Variants in DSCAML1 observed in about 807,000 individuals in gnomAD.
The protein encoded by DSCAML1 is cell adhesion molecule DSCAML1.
DSCAML1 carries 38 observed loss-of-function variants against 200.5 expected under a neutral mutation model. The observed-to-expected ratio is 0.19, with a 90% confidence interval of 0.15 to 0.25. DSCAML1 has a LOEUF of 0.25. DSCAML1 is among the 10% of genes least tolerant of loss of function. The pLI is 1.00. For synonymous variants in DSCAML1, 1,215 were observed against 1,165.0 expected (o/e 1.04, Z -0.87); for missense variants, 2,223 against 2,858.8 (o/e 0.78, Z 5.07).
intron 1 of DSCAML1, among the ~76,000 whole-genome samples, chr11:117,790,089 G>A (rs931497311): frequency 2.0e-5 from 3 of 152,142 alleles, no homozygotes; most frequent in Non-Finnish European, 4.4e-5. Flanking sequence ...CCACGACTGC[G>A]GGAGGGTCAC....
chr11:117,576,687 A>G (rs1285567389), intron 3 of DSCAML1, among the ~76,000 whole-genome samples: 3 of 152,086 alleles, frequency 2.0e-5, no homozygotes, highest in African/African-American at 7.2e-5. Context: ...GACTGTTTCC[A>G]CAAGGGACTC....
intron 1 of DSCAML1, among the ~76,000 whole-genome samples, chr11:117,783,619 T>C (rs917825849): frequency 2.0e-5 from 3 of 152,130 alleles, no homozygotes; most frequent in African/African-American, 7.2e-5. Context: ...TCCATTTTAC[T>C]GATAAGGAAA....
chr11:117,564,315 T>G (rs2137421908), intron 3 of DSCAML1, among the ~76,000 whole-genome samples: 1 of 152,330 alleles, frequency 6.6e-6, no homozygotes, highest in African/African-American at 2.4e-5. Flanking sequence ...TTTCTCTACC[T>G]TGTGCAGAGA....
chr11:117,752,019 C>A (rs535159961), intron 3 of DSCAML1, among the ~76,000 whole-genome samples: 4 of 150,896 alleles, frequency 2.7e-5, no homozygotes, highest in African/African-American at 9.9e-5. Context: ...TTAACACCAC[C>A]AATTCACAAA....
At chr11:117,812,724 G>A (rs913944983) in intron 1 of DSCAML1, among the ~76,000 whole-genome samples, 28 of 147,560 alleles carry the variant, frequency 1.9e-4, no homozygotes, top group Non-Finnish European at 3.8e-4. Flanking sequence ...AAAAACACAC[G>A]TGCTCTTCCT....
At chr11:117,626,980 C>T (rs2052058934) in intron 3 of DSCAML1, among the ~76,000 whole-genome samples, 1 of 152,188 alleles carries the variant, frequency 6.6e-6, no homozygotes, top group Non-Finnish European at 1.5e-5. Flanking sequence ...GTTCTCCAGG[C>T]AGTGGTGCCT....
At chr11:117,439,139 T>C in intron 23 of DSCAML1, 127 bp downstream of exon 23, 1 of 1,397,688 alleles carries the variant, frequency 7.2e-7, no homozygotes, top group Non-Finnish European at 9.8e-7. Flanking sequence ...TGCACCTCTG[T>C]TTCTCCAGAG....
chr11:117,734,177 CTCTTT>C (rs2054277748), intron 3 of DSCAML1, among the ~76,000 whole-genome samples: 1 of 152,238 alleles, frequency 6.6e-6, no homozygotes, highest in Non-Finnish European at 1.5e-5. Context: ...TTGGTCACTC[CTCTTT>C]TCTCACCTCT....
intron 3 of DSCAML1, among the ~76,000 whole-genome samples, chr11:117,697,989 C>G (rs12295881): frequency 0.013 from 2,002 of 152,224 alleles, 60 homozygotes; most frequent in African/African-American, 0.045. Context: ...CCAGGATGGT[C>G]TCGATCTCTT....
intron 3 of DSCAML1, among the ~76,000 whole-genome samples, chr11:117,749,209 G>A (rs1453867863): frequency 2.6e-5 from 4 of 152,314 alleles, no homozygotes; most frequent in East Asian, 1.9e-4. Flanking sequence ...GGCTTGAGCC[G>A]GGACGAGGGT....
Position 117,428,551 on chromosome 11 carries a change from G to A in DSCAML1, c.5939C>T (p.Pro1980Leu), listed in dbSNP as rs549967851. Reference protein sequence around the residue: ...PQRTLAMPAPPAGTAPPAPGP... With the variant: ...PQRTLAMPAPLAGTAPPAPGP... ...GGGGGCTGGGGGGGCTGTGCCGGCT[G>A]GGGGGGCTGGCATGGCCAGAGTCCT... Residue 1980 changes from proline (P) to leucine (L), a missense_variant, in exon 33 of 33, where the codon CCA becomes CTA. Coordinates refer to ENST00000651296, the MANE Select transcript of DSCAML1 (RefSeq NM_020693.4). 7 of 1,535,578 alleles carry A rather than the reference G, an allele frequency of 4.6e-6. No individual in the cohort carries two copies. Among genetic ancestry groups the A allele is most frequent in the Admixed American group, 3.9e-5 (2 of 51,538 alleles).
chr11:117,817,117 T>C (rs2055817286), intron 1 of DSCAML1, among the ~76,000 whole-genome samples: 1 of 152,146 alleles, frequency 6.6e-6, no homozygotes, highest in Non-Finnish European at 1.5e-5. Context: ...ACAGGCTAAT[T>C]CTCCTGGCCC....
chr11:117,715,109 T>C (rs1303924771), intron 3 of DSCAML1, among the ~76,000 whole-genome samples: 2 of 20,100 alleles, frequency 1.0e-4, no homozygotes, highest in African/African-American at 1.8e-4. Context: ...TAAAAATAAG[T>C]CATTAAAAAA....
At chr11:117,759,147 C>T (rs191056386) in intron 3 of DSCAML1, among the ~76,000 whole-genome samples, 17 of 152,290 alleles carry the variant, frequency 1.1e-4, no homozygotes, top group Admixed American at 9.8e-4. Context: ...TCTTGAGACC[C>T]GGGTCCCCGG....
chr11:117,631,447 C>A lies in DSCAML1; in HGVS notation c.512-98925G>T, dbSNP rs7102737. On this transcript the variant is annotated intron_variant, in intron 3 of 32. Transcript: ENST00000651296. The stretch of plus-strand genomic sequence containing the variant: ...CAGGCTCCAGCCAATGTTCACCTGG[C>A]ACACCCCAAACAGTCTTCTTAGTGT... 8.4e-3 allele frequency among the ~76,000 whole-genome samples: 1,272 copies of A among 152,238 alleles called. 22 individuals are homozygous for A. The highest frequency in any genetic ancestry group is 0.029 in the African/African-American group (1,189 of 41,528).
chr11:117,564,641 C>CTCTT (rs546519684), intron 3 of DSCAML1, among the ~76,000 whole-genome samples: 5 of 152,090 alleles, frequency 3.3e-5, no homozygotes, highest in East Asian at 1.9e-4. Context: ...CTCTCTCTCT[C>CTCTT]TCTTTCTTTC....
At chr11:117,734,684 G>A (rs1432761937) in intron 3 of DSCAML1, among the ~76,000 whole-genome samples, 1 of 152,204 alleles carries the variant, frequency 6.6e-6, no homozygotes, top group Non-Finnish European at 1.5e-5. Flanking sequence ...GTAAGCTCCA[G>A]AGGGGGCAGG....
chr11:117,480,381 A>G lies in DSCAML1; in HGVS notation c.2785+62T>C. Reference sequence around the variant, plus strand: ...GGCTCTCCTCCCAGAGGGCACAGGCAGGACACGTGGCACAAGGGGCCATGG... The same window carrying G: ...GGCTCTCCTCCCAGAGGGCACAGGCGGGACACGTGGCACAAGGGGCCATGG... On this transcript the variant is annotated intron_variant, in intron 14 of 32. Coordinates refer to ENST00000651296, the MANE Select transcript of DSCAML1 (RefSeq NM_020693.4). The surrounding 1 kb of genome is among the most constrained non-coding windows in gnomAD (Gnocchi z 4.1). 1.2e-6 allele frequency: 2 copies of G among 1,601,870 alleles called. No homozygotes were observed. The highest frequency in any genetic ancestry group is 1.7e-6 in the Non-Finnish European group (2 of 1,173,854).
chr11:117,785,182 A>C (rs1488410576), intron 1 of DSCAML1, among the ~76,000 whole-genome samples: 2 of 152,182 alleles, frequency 1.3e-5, no homozygotes, highest in African/African-American at 2.4e-5. Flanking sequence ...GAATGGCTCC[A>C]CCTTCCAGGA....
Sources: gnomAD v4.1 joint callset for allele counts (sites outside exome capture counted in the v4.1 genomes callset) on GRCh38, gnomAD v4.1.1 for gene constraint, Gnocchi (gnomAD v3.1) non-coding constraint, MANE v1.5 for transcripts, NCBI Gene and HGNC (gene_info 2026-07-23, HGNC 2026-07-21) for gene names.